The following CCDC125 variants were observed in gnomAD, a reference collection of about 807,000 sequenced individuals.
CCDC125 encodes the protein coiled-coil domain-containing protein 125.
Under a neutral mutation model 57.4 loss-of-function variants are expected in CCDC125, and 43 were observed. The observed-to-expected ratio is 0.75, with a 90% CI of 0.59 to 0.97. CCDC125 has a LOEUF of 0.97. Ranked by LOEUF, CCDC125 falls within the 50% of genes least tolerant of loss-of-function variation. The probability of loss-of-function intolerance (pLI) is 0.00; values close to 1 mark genes in which losing one functional copy is unlikely to be tolerated. For synonymous variants in CCDC125, 187 were observed against 195.2 expected (o/e 0.96, Z 0.35); for missense variants, 563 against 595.7 (o/e 0.95, Z 0.57).
chr5:69,289,668 C>T (rs1408470177), intron 10 of CCDC125, among the ~76,000 whole-genome samples: 1 of 151,928 alleles, frequency 6.6e-6, no homozygotes, highest in East Asian at 1.9e-4. Context: ...TTGAGACCAG[C>T]CTGGGTAACA....
intron 1 of CCDC125, among the ~76,000 whole-genome samples, chr5:69,332,220 T>C (rs1226228154): frequency 6.6e-6 from 1 of 152,268 alleles, no homozygotes; most frequent in Non-Finnish European, 1.5e-5. Flanking sequence ...ATTTTAGATG[T>C]ACAGTAAATT....
At chr5:69,307,604 C>G (rs1278785215) in intron 5 of CCDC125, 4 of 184,610 alleles carry the variant, frequency 2.2e-5, no homozygotes, top group Non-Finnish European at 4.6e-5. Flanking sequence ...ATGGCGTGAA[C>G]CCGGGAGGCA....
chr5:69,278,219 T>TTTTA (rs1487778103), downstream of CCDC125, among the ~76,000 whole-genome samples: 5 of 80,272 alleles, frequency 6.2e-5, no homozygotes, highest in African/African-American at 1.1e-4. Context: ...ATTTTATTTT[T>TTTTA]TTTTGAGATG....
chr5:69,305,249 T>C, intron 6 of CCDC125, among the ~76,000 whole-genome samples: 1 of 152,170 alleles, frequency 6.6e-6, no homozygotes, highest in South Asian at 2.1e-4. Context: ...GGTCTCGCTC[T>C]GTCATCAAAG....
At chr5:69,306,729 C>G in intron 6 of CCDC125, 88 bp downstream of exon 6, 1 of 1,290,914 alleles carries the variant, frequency 7.7e-7, no homozygotes, top group South Asian at 2.8e-5. Flanking sequence ...ATATTTTGCA[C>G]TTGGCTCAAA....
At position 69,314,039 on chromosome 5, in the gene CCDC125, C is replaced by T. The variant is rs577921510; in HGVS notation, c.312G>A (p.Ser104=). ...NYRRQSSTVD[S]NSELSNEELR... ...ATTCTTCATTTGACAATTCTGAATT[C>T]GAATCTACTTGGGAGGGAGGAGAAA... The change falls in exon 3 of 12, where the codon TCG becomes TCA. Residue 104 remains serine, a synonymous_variant. Coordinates refer to ENST00000396496, the MANE Select transcript of CCDC125 (RefSeq NM_176816.5). 29 of 1,607,622 alleles carry T rather than the reference C, an allele frequency of 1.8e-5. 1 individual carries two copies. In the East Asian group the frequency reaches 2.0e-4, roughly 11 times the overall value.
At chr5:69,303,812 G>A (rs1165623187) in intron 7 of CCDC125, 35 bp downstream of exon 7, 1 of 1,157,858 alleles carries the variant, frequency 8.6e-7, no homozygotes, top group East Asian at 2.4e-5. Flanking sequence ...TATCTTTATT[G>A]ATACATGTGC....
Position 69,329,853 on chromosome 5 carries a change from T to C in CCDC125, c.-41+2796A>G, listed in dbSNP as rs1341255911. Among the ~76,000 whole-genome samples the C allele has an allele frequency of 2.6e-5, 4 of 152,260 alleles. No homozygotes were observed. The East Asian group carries it at 5.8e-4, about 22-fold the overall frequency. On this transcript the variant is annotated intron_variant, in intron 1 of 11. Transcript: ENST00000396496. ...CCAGGCATACGTGACTTGCCCCAAA[T>C]ACAATGGTAATTAGCAGCAGAGCCA...
At chr5:69,311,662 A>T (rs954337378) in intron 3 of CCDC125, among the ~76,000 whole-genome samples, 2 of 149,860 alleles carry the variant, frequency 1.3e-5, no homozygotes, top group Middle Eastern at 3.2e-3. Context: ...TTAAAAAAAT[A>T]AAAAATAGCT....
chr5:69,303,810 T>C (rs755624618), intron 7 of CCDC125, 37 bp downstream of exon 7: 4 of 1,144,408 alleles, frequency 3.5e-6, no homozygotes, highest in Non-Finnish European at 5.2e-6. Context: ...GTTATCTTTA[T>C]TGATACATGT....
At chr5:69,286,789 C>T (rs1435671729) in intron 10 of CCDC125, among the ~76,000 whole-genome samples, 5 of 152,066 alleles carry the variant, frequency 3.3e-5, no homozygotes, top group African/African-American at 1.2e-4. Flanking sequence ...GGGAGATCCC[C>T]TTCCCACCAA....
chr5:69,301,734 C>CA (rs61192208), intron 7 of CCDC125, among the ~76,000 whole-genome samples: 39 of 139,924 alleles, frequency 2.8e-4, no homozygotes, highest in African/African-American at 5.0e-4. Flanking sequence ...GACTCTGTCT[C>CA]AAAAAAAAAA....
chr5:69,287,232 T>C (rs1303871755), intron 10 of CCDC125, among the ~76,000 whole-genome samples: 1 of 151,858 alleles, frequency 6.6e-6, no homozygotes, highest in African/African-American at 2.4e-5. Flanking sequence ...CAAACTTGTA[T>C]AGATTTATAA....
intron 1 of CCDC125, among the ~76,000 whole-genome samples, chr5:69,325,691 G>C (rs1225667963): frequency 6.6e-6 from 1 of 151,746 alleles, no homozygotes; most frequent in Non-Finnish European, 1.5e-5. Context: ...AGGTGTGGTG[G>C]CAGGTGCCTG....
chr5:69,324,416 A>C (rs2150644094), intron 1 of CCDC125, among the ~76,000 whole-genome samples: 1 of 152,322 alleles, frequency 6.6e-6, no homozygotes, highest in African/African-American at 2.4e-5. Flanking sequence ...CCACTGTGGA[A>C]AACAATTTGA....
intron 11 of CCDC125, among the ~76,000 whole-genome samples, chr5:69,284,107 A>C (rs1752912414): frequency 6.6e-6 from 1 of 151,986 alleles, no homozygotes; most frequent in Non-Finnish European, 1.5e-5. Context: ...TATTTTTTAA[A>C]AATAATTTTT....
chr5:69,320,681 A>T (rs572281385), intron 1 of CCDC125, 101 bp from the exon 2 acceptor site: 31 of 622,602 alleles, frequency 5.0e-5, no homozygotes, highest in South Asian at 4.9e-4. Context: ...TGTCAAAGAG[A>T]TGTCTACATT....
chr5:69,285,689 C>T (rs1316857660), intron 10 of CCDC125, among the ~76,000 whole-genome samples: 3 of 152,226 alleles, frequency 2.0e-5, no homozygotes, highest in Non-Finnish European at 4.4e-5. Flanking sequence ...CCAGCTGACA[C>T]ACAGGCCACA....
intron 6 of CCDC125, among the ~76,000 whole-genome samples, chr5:69,304,592 A>G (rs1172704389): frequency 6.6e-6 from 1 of 150,420 alleles, no homozygotes; most frequent in African/African-American, 2.4e-5. Flanking sequence ...CGCCCGGCCA[A>G]TTTTTGTGTT....
Sources: gnomAD v4.1 joint callset for allele counts (sites outside exome capture counted in the v4.1 genomes callset) on GRCh38, gnomAD v4.1.1 for gene constraint, MANE v1.5 for transcripts, NCBI Gene and HGNC (gene_info 2026-07-23, HGNC 2026-07-21) for gene names.